BRINP1: variants seen among roughly 807,000 people sequenced by gnomAD.
BRINP1 encodes BMP/retinoic acid-inducible neural-specific protein 1.
Under a neutral mutation model 72.9 loss-of-function variants are expected in BRINP1, and 17 were observed. The ratio of observed to expected loss-of-function variants is 0.23; its 90% CI spans 0.16 to 0.35. The LOEUF is 0.35. Ranked by LOEUF, BRINP1 falls within the 10% of genes least tolerant of loss-of-function variation. The pLI is 1.00. For missense variants in BRINP1, 850 were observed against 1,001.6 expected, an observed-to-expected ratio of 0.85 and a Z score of 2.04; for synonymous variants, 418 against 378.5, an observed-to-expected ratio of 1.10 and a Z score of -1.21.
chr9:119,352,253 A>G (rs1831514437), intron 1 of BRINP1, among the ~76,000 whole-genome samples: 1 of 152,236 alleles, frequency 6.6e-6, no homozygotes, highest in Non-Finnish European at 1.5e-5. Context: ...GTTATTAAGC[A>G]TGACGTTTCC....
intron 5 of BRINP1, among the ~76,000 whole-genome samples, chr9:119,217,952 T>C (rs1020073011): frequency 2.0e-5 from 3 of 152,116 alleles, no homozygotes; most frequent in African/African-American, 7.2e-5. Flanking sequence ...GATTTCTGCT[T>C]GATCCCTTGT....
chr9:119,316,177 C>T (rs1177032686), intron 1 of BRINP1, among the ~76,000 whole-genome samples: 3 of 152,156 alleles, frequency 2.0e-5, no homozygotes, highest in African/African-American at 7.2e-5. Flanking sequence ...ACCTCCACCT[C>T]CCGGGTTCAA....
At chr9:119,222,120 T>C (rs1056910726) in intron 5 of BRINP1, among the ~76,000 whole-genome samples, 10 of 152,082 alleles carry the variant, frequency 6.6e-5, no homozygotes, top group African/African-American at 2.4e-4. Context: ...ACATATGAGC[T>C]CATCAATCTC....
At chr9:119,344,319 T>C (rs1195419329) in intron 1 of BRINP1, among the ~76,000 whole-genome samples, 3 of 152,160 alleles carry the variant, frequency 2.0e-5, no homozygotes, top group African/African-American at 7.2e-5. Flanking sequence ...AAAATACATA[T>C]AAATACATAT....
At chr9:119,276,414 G>A (rs1226844558) in intron 2 of BRINP1, among the ~76,000 whole-genome samples, 2 of 152,104 alleles carry the variant, frequency 1.3e-5, no homozygotes, top group Admixed American at 1.3e-4. Flanking sequence ...TGTGGGTTAT[G>A]TTTAATACAC....
At chr9:119,265,624 C>CAAACAAAA (rs1295065080) in intron 2 of BRINP1, among the ~76,000 whole-genome samples, 2 of 151,988 alleles carry the variant, frequency 1.3e-5, no homozygotes. Flanking sequence ...AACAAACAAA[C>CAAACAAAA]AAACAAAAAA....
At position 119,369,422 on chromosome 9, in the gene BRINP1, G is replaced by T. The variant is rs1831732666; in HGVS notation, c.-417C>A. 2.5e-6 allele frequency: 1 copy of T among 395,808 alleles called. No individual in the cohort carries two copies. The highest frequency in any genetic ancestry group is 3.6e-5 in the East Asian group (1 of 27,934). The allele number at this position is 395,808 out of a possible 1,614,324, so 24.5% of individuals were successfully genotyped here. ...TTGCAGCCGTGGGGTCCGGGAGCGA[G>T]GCGGCTGGCGAATGGAGAGGGAAGT... On this transcript the variant is annotated 5_prime_UTR_variant, in exon 1 of 8. Coordinates refer to ENST00000265922, the MANE Select transcript of BRINP1 (RefSeq NM_014618.3).
intron 7 of BRINP1, 100 bp from the exon 8 acceptor site, chr9:119,168,324 T>A: frequency 1.1e-6 from 1 of 930,136 alleles, no homozygotes; most frequent in Non-Finnish European, 1.5e-6. Flanking sequence ...GCCAAAAAGA[T>A]GAAAGGACTG....
At chr9:119,188,368 A>C (rs893962865) in intron 7 of BRINP1, among the ~76,000 whole-genome samples, 6 of 152,230 alleles carry the variant, frequency 3.9e-5, no homozygotes, top group Non-Finnish European at 1.5e-5. Flanking sequence ...AAAAACTTTC[A>C]ATCAAGAATA....
At chr9:119,215,444 G>A (rs1324074035) in intron 5 of BRINP1, among the ~76,000 whole-genome samples, 4 of 152,164 alleles carry the variant, frequency 2.6e-5, no homozygotes, top group African/African-American at 7.2e-5. Context: ...ATTTGGAGCT[G>A]CAAACAGTTT....
At chr9:119,281,558 G>A (rs1283228903) in intron 2 of BRINP1, among the ~76,000 whole-genome samples, 4 of 152,204 alleles carry the variant, frequency 2.6e-5, no homozygotes, top group South Asian at 2.1e-4. Flanking sequence ...CTCTATGGGC[G>A]AGTGAGAACA....
chr9:119,184,189 T>A (rs114209693), intron 7 of BRINP1, among the ~76,000 whole-genome samples: 1,599 of 152,250 alleles, frequency 0.011, 28 homozygotes, highest in African/African-American at 0.037. Context: ...TTGCTACAAA[T>A]GCAGAATAAC....
intron 1 of BRINP1, among the ~76,000 whole-genome samples, chr9:119,317,185 T>C (rs551643062): frequency 6.6e-6 from 1 of 152,260 alleles, no homozygotes; most frequent in East Asian, 1.9e-4. Context: ...GCATTGCACA[T>C]TGGAAAACTT....
chr9:119,310,929 G>C (rs10818298), intron 2 of BRINP1, among the ~76,000 whole-genome samples: 60,049 of 151,972 alleles, frequency 0.4, 12,337 homozygotes, highest in Non-Finnish European at 0.44. Flanking sequence ...CTGGATGAGC[G>C]CATGTCTCTG....
chr9:119,222,818 G>A (rs970017728), intron 5 of BRINP1, among the ~76,000 whole-genome samples: 3 of 151,986 alleles, frequency 2.0e-5, no homozygotes, highest in Non-Finnish European at 2.9e-5. Context: ...CCAAGGATAA[G>A]GAAGCCAGCA....
intron 2 of BRINP1, among the ~76,000 whole-genome samples, chr9:119,258,577 C>A (rs547795578): frequency 2.0e-5 from 3 of 152,272 alleles, no homozygotes; most frequent in African/African-American, 7.2e-5. Flanking sequence ...TAGGCACTCA[C>A]GGCCATCACT....
At chr9:119,254,255 T>C (rs532071966) in intron 2 of BRINP1, among the ~76,000 whole-genome samples, 2 of 152,140 alleles carry the variant, frequency 1.3e-5, no homozygotes, top group East Asian at 3.9e-4. Flanking sequence ...TCAGGGGAGA[T>C]AAGTGTTATA....
In BRINP1 at chr9:119,368,713, GACAC is replaced by G. The variant is rs139249807; in HGVS notation, c.-51+339_-51+342del. The stretch of plus-strand genomic sequence containing the variant: ...TCTTCACCCCTCCCTTACACACACG[GACAC>G]ACACACACACCACGAACACACGCAT... On this transcript the variant is annotated intron_variant, in intron 1 of 7. Transcript: ENST00000265922. This position sits in a 1 kb window ranked among gnomAD's most constrained non-coding sequence, Gnocchi z 4.7. Among the ~76,000 whole-genome samples, 2 of 151,386 alleles carry G rather than the reference GACAC, an allele frequency of 1.3e-5. No individual in the cohort carries two copies. Among genetic ancestry groups the G allele is most frequent in the African/African-American group, 4.8e-5 (2 of 41,240 alleles).
At chr9:119,261,712 A>G (rs2118935496) in intron 2 of BRINP1, among the ~76,000 whole-genome samples, 1 of 152,228 alleles carries the variant, frequency 6.6e-6, no homozygotes, top group South Asian at 2.1e-4. Context: ...CTCACATGGT[A>G]TTTTCCAAAA....
Sources: gnomAD v4.1 joint callset for allele counts (sites outside exome capture counted in the v4.1 genomes callset) on GRCh38, gnomAD v4.1.1 for gene constraint, Gnocchi (gnomAD v3.1) non-coding constraint, MANE v1.5 for transcripts, NCBI Gene and HGNC (gene_info 2026-07-23, HGNC 2026-07-21) for gene names.